KNTC1: variants seen among roughly 807,000 people sequenced by gnomAD.
KNTC1 encodes kinetochore-associated protein 1.
In KNTC1, 253 loss-of-function variants were observed where a neutral mutation model predicts 314.4. That is an observed-to-expected ratio of 0.80 (90% CI 0.73 to 0.89). The LOEUF (loss-of-function observed/expected upper bound fraction) is 0.89. Among genes scored for constraint, KNTC1 ranks in the 40% least tolerant of loss-of-function variants. KNTC1 has a pLI of 0.00. For synonymous variants in KNTC1, 901 were observed against 901.4 expected, an observed-to-expected ratio of 1.00 and a Z score of 0.01; for missense variants, 2,475 against 2,572.9, an observed-to-expected ratio of 0.96 and a Z score of 0.82.
chr12:122,569,889 GAATT>G, intron 22 of KNTC1, 65 bp downstream of exon 22: 1 of 1,469,244 alleles, frequency 6.8e-7, no homozygotes, highest in Non-Finnish European at 9.3e-7. Context: ...AGATCATTGA[GAATT>G]AAGTCACGTT....
chr12:122,547,985 A>AT lies in KNTC1; in HGVS notation c.987+20dup. On this transcript the variant is annotated intron_variant, in intron 12 of 63. Coordinates refer to ENST00000333479, the MANE Select transcript of KNTC1 (RefSeq NM_014708.6). ...TAATAAGAAGGTATTGGAAAATTTT[A>AT]TTTTGTGCTTGCCTATATTATGTGT... The AT allele has an allele frequency of 6.6e-7, 1 of 1,507,532 alleles. No individual in the cohort carries two copies. Among genetic ancestry groups the AT allele is most frequent in the Non-Finnish European group, 8.9e-7 (1 of 1,119,628 alleles). 93.4% of individuals were successfully genotyped at this position (1,507,532 alleles called of 1,614,324 possible).
At chr12:122,553,387 G>T (rs1032826352) in intron 16 of KNTC1, among the ~76,000 whole-genome samples, 3 of 152,096 alleles carry the variant, frequency 2.0e-5, no homozygotes, top group African/African-American at 7.2e-5. Context: ...GAGCACAGTC[G>T]TGCATGCTGG....
chr12:122,582,944 C>G lies in KNTC1; in HGVS notation c.3222C>G (p.Ala1074=), dbSNP rs770081300. The G allele has an allele frequency of 6.2e-7, 1 of 1,613,078 alleles. No individual in the cohort carries two copies. Among genetic ancestry groups the G allele is most frequent in the Non-Finnish European group, 8.5e-7 (1 of 1,179,494 alleles). ...QELEAELTLR[A]LKDGNIKTAL... ...TGGAGGCAGAGCTGACCTTGAGAGC[C>G]TTAAAAGATGGGAACATCAAAACAG... The change falls in exon 34 of 64, where the codon GCC becomes GCG. Residue 1074 remains alanine (A), a synonymous_variant. Coordinates refer to ENST00000333479, the MANE Select transcript of KNTC1 (RefSeq NM_014708.6).
intron 34 of KNTC1, among the ~76,000 whole-genome samples, chr12:122,583,391 C>T (rs954365801): frequency 6.6e-6 from 1 of 152,224 alleles, no homozygotes; most frequent in East Asian, 1.9e-4. Flanking sequence ...GATTTCTCAC[C>T]TTCAGAGCAT....
At chr12:122,590,573 A>G (rs1305659209) in intron 40 of KNTC1, 34 bp from the exon 41 acceptor site, 1 of 1,576,022 alleles carries the variant, frequency 6.3e-7, no homozygotes, top group African/African-American at 1.4e-5. Flanking sequence ...TTGATTGTGA[A>G]GAATTTGCTT....
At chr12:122,565,265 A>C (rs912263770) in intron 20 of KNTC1, among the ~76,000 whole-genome samples, 43 of 146,842 alleles carry the variant, frequency 2.9e-4, no homozygotes, top group African/African-American at 8.7e-4. Context: ...AAAAAAAAAA[A>C]CAGAGCTATT....
chr12:122,543,761 T>G (rs1263927202), intron 7 of KNTC1, 127 bp downstream of exon 7: 1 of 619,178 alleles, frequency 1.6e-6, no homozygotes, highest in Non-Finnish European at 2.7e-6. Context: ...AACATTTTAA[T>G]AACATTTCTA....
In KNTC1 at chr12:122,530,040, A is replaced by G; in HGVS notation, c.-24A>G. The G allele has an allele frequency of 1.9e-6, 3 of 1,610,908 alleles. No homozygotes were observed. Among genetic ancestry groups the G allele is most frequent in the East Asian group, 2.2e-5 (1 of 44,816 alleles). On this transcript the variant is annotated 5_prime_UTR_variant, in exon 2 of 64. The change abolishes the stop of an existing upstream ORF in the 5' untranslated region. Transcript: ENST00000333479. Reference sequence around the variant, plus strand: ...TGTTCAGGAAAGACAGTGGTTCCTGACTCAGGAAGACAGTCTCAGAAACAT... The same window carrying G: ...TGTTCAGGAAAGACAGTGGTTCCTGGCTCAGGAAGACAGTCTCAGAAACAT...
At chr12:122,536,791 T>C (rs961510246) in intron 3 of KNTC1, among the ~76,000 whole-genome samples, 2 of 152,208 alleles carry the variant, frequency 1.3e-5, no homozygotes, top group African/African-American at 4.8e-5. Flanking sequence ...GTGCTGGGAT[T>C]ACAGGCGTGA....
chr12:122,626,192 T>G lies in KNTC1; in HGVS notation c.6607-13T>G. The G allele has an allele frequency of 1.3e-6, 2 of 1,569,410 alleles. No individual in the cohort carries two copies. Among genetic ancestry groups the G allele is most frequent in the Non-Finnish European group, 1.7e-6 (2 of 1,147,014 alleles). On this transcript the variant is annotated splice_polypyrimidine_tract_variant and intron_variant, in intron 63 of 63. Coordinates refer to ENST00000333479, the MANE Select transcript of KNTC1 (RefSeq NM_014708.6). ...GACTTATAAAAATCACTTCTGTGTT[T>G]CTTCCCATTTAGATGTTTCTTAGTG...
In KNTC1 at chr12:122,554,077, ATAT is replaced by A. The variant is rs1353232999; in HGVS notation, c.1272+2382_1272+2384del. Among the ~76,000 whole-genome samples, 503 of 54,548 alleles carry A rather than the reference ATAT, an allele frequency of 9.2e-3. 3 individuals carry two copies. The highest frequency in any genetic ancestry group is 0.035 in the African/African-American group (481 of 13,608). 35.8% of individuals were successfully genotyped at this position (54,548 alleles called of 152,430 possible). ...AGAATACTTCCTTAAAAAAAAAAAA[ATAT>A]ATATATATATATATATATATTTGTA... is the stretch of plus-strand genomic sequence containing the variant. On this transcript the variant is annotated intron_variant, in intron 16 of 63. Transcript: ENST00000333479.
At chr12:122,620,380 T>G in intron 59 of KNTC1, 99 bp from the exon 60 acceptor site, 1 of 1,115,422 alleles carries the variant, frequency 9.0e-7, no homozygotes. Flanking sequence ...TTAAAATTAT[T>G]GAAAACTTGG....
rs746922637 is a variant in KNTC1 at position 122,582,884 on chromosome 12, A to G, written c.3162A>G (p.Arg1054=). ...CAAGCATGGAATCAAAGCTGCACAG[A>G]CAGGCACTGGCCCTGCAGATGTCCA... ...RSPSMESKLH[R]QALALQMSKQ... The change falls in exon 34 of 64, where the codon AGA becomes AGG. Residue 1054 remains arginine, a synonymous_variant. Coordinates refer to ENST00000333479, the MANE Select transcript of KNTC1 (RefSeq NM_014708.6). 6.2e-7 allele frequency: 1 copy of G among 1,612,928 alleles called. No individual in the cohort carries two copies. Among genetic ancestry groups the G allele is most frequent in the Non-Finnish European group, 8.5e-7 (1 of 1,179,424 alleles).
In KNTC1 at chr12:122,547,547, G is replaced by C. The variant is rs769918902; in HGVS notation, c.932+17G>C. On this transcript the variant is annotated intron_variant, in intron 11 of 63. Coordinates refer to ENST00000333479, the MANE Select transcript of KNTC1 (RefSeq NM_014708.6). ...AGTCACGTGGTATGTTATGACTATG[G>C]CTAGTAGTCATTTCCCTTCTGTTAG... The C allele has an allele frequency of 1.4e-6, 2 of 1,419,432 alleles. No homozygotes were observed. Among genetic ancestry groups the C allele is most frequent in the Admixed American group, 3.4e-5 (2 of 58,216 alleles). The allele number at this position is 1,419,432 out of a possible 1,614,324, so 87.9% of individuals were successfully genotyped here. A position where few individuals can be genotyped will look rare whatever the true frequency, so the allele number is the denominator to read the frequency against.
intron 3 of KNTC1, among the ~76,000 whole-genome samples, chr12:122,536,408 T>C (rs1031988913): frequency 1.3e-5 from 2 of 151,108 alleles, no homozygotes; most frequent in African/African-American, 2.4e-5. Flanking sequence ...TTTTTTGTAT[T>C]TTTAGAAGAA....
intron 44 of KNTC1, among the ~76,000 whole-genome samples, chr12:122,598,692 A>G (rs1871400961): frequency 6.6e-6 from 1 of 152,174 alleles, no homozygotes; most frequent in South Asian, 2.1e-4. Context: ...AAGTGCTAGG[A>G]ATACAGAGGT....
At chr12:122,547,581 A>G (rs1258761631) in intron 11 of KNTC1, 51 bp downstream of exon 11, 20 of 1,116,674 alleles carry the variant, frequency 1.8e-5, no homozygotes, top group Admixed American at 7.6e-5. Flanking sequence ...AGTACCAGGT[A>G]TCTTGTCTGG....
At position 122,620,557 on chromosome 12, in the gene KNTC1, A is replaced by G. The variant is rs568690908; in HGVS notation, c.6228A>G (p.Leu2076=). The G allele has an allele frequency of 2.1e-5, 34 of 1,613,740 alleles. No individual in the cohort carries two copies. In the South Asian group the frequency reaches 3.4e-4, roughly 16 times the overall value. Residue 2076 remains leucine (L), a synonymous_variant, in exon 60 of 64, where the codon TTA becomes TTG. Coordinates refer to ENST00000333479, the MANE Select transcript of KNTC1 (RefSeq NM_014708.6). Reference sequence around the variant, plus strand: ...AGTTAGAACTTCCGGCTTTTGCATTAGCTTGTCTGATGCTCATGCCCCACT... The same window carrying G: ...AGTTAGAACTTCCGGCTTTTGCATTGGCTTGTCTGATGCTCATGCCCCACT... ...YIQLELPAFA[L]ACLMLMPHSE...
rs1565917661 is a variant in KNTC1 at position 122,527,318 on chromosome 12, T to TA, written c.-107_-106insA. 5 of 188,296 alleles carry TA rather than the reference T, an allele frequency of 2.7e-5. No individual in the cohort carries two copies. The South Asian group carries it at 4.4e-4, about 16-fold the overall frequency. The allele number at this position is 188,296 out of a possible 1,614,324, so 11.7% of individuals were successfully genotyped here. ...GTGAGTCAGGAAGAGGGGCCAGATA[T>TA]CTGAGTGTTCCTCTTTAGTTTCTTC... On this transcript the variant is annotated 5_prime_UTR_variant, in exon 1 of 64. Transcript: ENST00000333479.
Sources: allele counts gnomAD v4.1 joint callset (sites outside exome capture counted in the v4.1 genomes callset), GRCh38; gene constraint gnomAD v4.1.1; transcripts MANE v1.5; gene names NCBI Gene and HGNC (gene_info 2026-07-23, HGNC 2026-07-21).